The following CTNND2 variants were observed in gnomAD, a reference collection of about 807,000 sequenced individuals.
CTNND2 encodes catenin delta-2.
A neutral mutation model predicts 144.4 loss-of-function variants in CTNND2; 22 were observed. That is an observed-to-expected ratio of 0.15 (90% CI 0.11 to 0.22). The LOEUF (loss-of-function observed/expected upper bound fraction) is 0.22, where lower values mean the gene tolerates loss of function less well. Among genes scored for constraint, CTNND2 ranks in the 10% least tolerant of loss-of-function variants. CTNND2 has a pLI of 1.00. For missense variants in CTNND2, 1,353 were observed against 1,618.8 expected, an observed-to-expected ratio of 0.84 and a Z score of 2.82; for synonymous variants, 751 against 695.6, an observed-to-expected ratio of 1.08 and a Z score of -1.25.
intron 15 of CTNND2, 59 bp from the exon 16 acceptor site, chr5:11,082,905 A>G: frequency 6.3e-7 from 1 of 1,575,516 alleles, no homozygotes; most frequent in African/African-American, 1.4e-5. Context: ...GCATGCAAAT[A>G]GTACATTTGC....
intron 1 of CTNND2, among the ~76,000 whole-genome samples, chr5:11,745,543 T>C (rs1047016510): frequency 6.6e-5 from 10 of 152,292 alleles, no homozygotes; most frequent in African/African-American, 2.2e-4. Flanking sequence ...TGTCTACCTC[T>C]AGCTGAGACC....
At chr5:10,992,723 T>C (rs561439954) in intron 18 of CTNND2, 46 bp from the exon 19 acceptor site, 1 of 1,593,822 alleles carries the variant, frequency 6.3e-7, no homozygotes, top group Non-Finnish European at 8.5e-7. Flanking sequence ...GACAGAGTGA[T>C]TTTTCACCTC....
At chr5:11,191,754 A>T (rs2149815382) in intron 11 of CTNND2, among the ~76,000 whole-genome samples, 1 of 152,294 alleles carries the variant, frequency 6.6e-6, no homozygotes, top group Non-Finnish European at 1.5e-5. Context: ...GGCCAGGAAT[A>T]ATCATGCAGA....
At chr5:11,278,708 G>T (rs1373128026) in intron 9 of CTNND2, among the ~76,000 whole-genome samples, 3 of 152,156 alleles carry the variant, frequency 2.0e-5, no homozygotes, top group Non-Finnish European at 4.4e-5. Context: ...GATAATCAAA[G>T]CCTTGAGTCT....
intron 9 of CTNND2, among the ~76,000 whole-genome samples, chr5:11,329,914 C>T (rs1328917995): frequency 6.6e-6 from 1 of 152,132 alleles, no homozygotes; most frequent in East Asian, 1.9e-4. Flanking sequence ...TCTTTCATAC[C>T]CCTCTGGAAA....
At chr5:11,411,442 T>C (rs781330937) in intron 5 of CTNND2, 94 bp downstream of exon 5, 11 of 694,744 alleles carry the variant, frequency 1.6e-5, no homozygotes, top group South Asian at 1.5e-4. Flanking sequence ...GAAATCCTCA[T>C]TTGATATGGC....
chr5:11,631,354 G>A (rs918615898), intron 2 of CTNND2, among the ~76,000 whole-genome samples: 13 of 152,138 alleles, frequency 8.5e-5, no homozygotes, highest in African/African-American at 3.1e-4. Flanking sequence ...AAGGATCTAT[G>A]TCTTATCGTG....
chr5:11,614,754 T>C (rs1780500589), intron 2 of CTNND2, among the ~76,000 whole-genome samples: 1 of 152,182 alleles, frequency 6.6e-6, no homozygotes, highest in African/African-American at 2.4e-5. Flanking sequence ...GTTTCATCAC[T>C]GAGTGGGGTG....
At chr5:11,293,332 T>C (rs1042569196) in intron 9 of CTNND2, among the ~76,000 whole-genome samples, 2 of 152,202 alleles carry the variant, frequency 1.3e-5, no homozygotes, top group African/African-American at 2.4e-5. Context: ...ACTTAAGATA[T>C]TCCCTTAAGG....
intron 8 of CTNND2, among the ~76,000 whole-genome samples, chr5:11,357,852 A>C (rs1756051618): frequency 6.6e-6 from 1 of 152,102 alleles, no homozygotes; most frequent in South Asian, 2.1e-4. Context: ...TTAAATAAGT[A>C]ATTTTTTAAA....
At chr5:11,107,852 G>C (rs1402715399) in intron 14 of CTNND2, among the ~76,000 whole-genome samples, 1 of 101,228 alleles carries the variant, frequency 9.9e-6, no homozygotes, top group Non-Finnish European at 2.5e-5. Flanking sequence ...AGAAACAGAT[G>C]AGTCTGGGAA....
At chr5:11,565,556 G>T (rs1777020034) in intron 2 of CTNND2, among the ~76,000 whole-genome samples, 2 of 151,636 alleles carry the variant, frequency 1.3e-5, no homozygotes, top group African/African-American at 4.9e-5. Flanking sequence ...AGAAAATAAT[G>T]CTTTATAACC....
At chr5:11,428,812 T>G (rs1002520310) in intron 3 of CTNND2, among the ~76,000 whole-genome samples, 3 of 152,208 alleles carry the variant, frequency 2.0e-5, no homozygotes, top group African/African-American at 7.2e-5. Context: ...AAGTGATCAA[T>G]CTACCGAGTG....
intron 17 of CTNND2, among the ~76,000 whole-genome samples, chr5:11,022,035 T>C (rs1675886792): frequency 6.6e-6 from 1 of 152,176 alleles, no homozygotes; most frequent in Non-Finnish European, 1.5e-5. Flanking sequence ...ATACTGTTGG[T>C]TCTTAAAAAC....
At chr5:11,111,237 T>C (rs1224595067) in intron 13 of CTNND2, among the ~76,000 whole-genome samples, 194 bp from the exon 14 acceptor site, 1 of 152,210 alleles carries the variant, frequency 6.6e-6, no homozygotes, top group Non-Finnish European at 1.5e-5. Context: ...TAGGACCTTT[T>C]ATCCCCCACA....
chr5:11,770,328 G>A (rs1386786737), intron 1 of CTNND2, among the ~76,000 whole-genome samples: 1 of 151,558 alleles, frequency 6.6e-6, no homozygotes, highest in African/African-American at 2.4e-5. Flanking sequence ...AACACTTGAA[G>A]TAAACAGAAT....
At chr5:11,810,442 A>T (rs1792263130) in intron 1 of CTNND2, among the ~76,000 whole-genome samples, 1 of 150,564 alleles carries the variant, frequency 6.6e-6, no homozygotes. Context: ...AAATTATAAG[A>T]AAACATTGAA....
chr5:11,689,119 T>C (rs560016549), intron 2 of CTNND2, among the ~76,000 whole-genome samples: 12 of 152,336 alleles, frequency 7.9e-5, no homozygotes, highest in Admixed American at 2.6e-4. Context: ...ATCTCTGATA[T>C]GGAGCATAGG....
chr5:11,741,249 C>T (rs1787986818), intron 1 of CTNND2, among the ~76,000 whole-genome samples: 2 of 152,126 alleles, frequency 1.3e-5, no homozygotes, highest in South Asian at 4.1e-4. Context: ...AATCATTCTA[C>T]TATAAAGACA....
Sources: gnomAD v4.1 joint callset for allele counts (sites outside exome capture counted in the v4.1 genomes callset) on GRCh38, gnomAD v4.1.1 for gene constraint, MANE v1.5 for transcripts, NCBI Gene and HGNC (gene_info 2026-07-23, HGNC 2026-07-21) for gene names.